Variants in PRC1 observed in about 807,000 individuals in gnomAD.
PRC1 encodes anaphase spindle elongation 1 homolog.
PRC1 carries 54 observed loss-of-function variants against 91.2 expected under a neutral mutation model. That is an observed-to-expected ratio of 0.59 (90% CI 0.48 to 0.74). The LOEUF is 0.74. Ranked by LOEUF, PRC1 falls within the 30% of genes least tolerant of loss-of-function variation. The pLI is 0.00. For missense variants in PRC1, 727 were observed against 746.2 expected (o/e 0.97, Z 0.30); for synonymous variants, 275 against 263.6 (o/e 1.04, Z -0.42).
chr15:90,982,305 C>CCT (rs1413014508), intron 3 of PRC1, among the ~76,000 whole-genome samples: 2 of 152,194 alleles, frequency 1.3e-5, no homozygotes, highest in African/African-American at 4.8e-5. Flanking sequence ...ATAACCATCA[C>CCT]CTCCAAAACT....
At chr15:90,977,943 G>A (rs1363911263) in intron 8 of PRC1, among the ~76,000 whole-genome samples, 3 of 152,126 alleles carry the variant, frequency 2.0e-5, no homozygotes, top group African/African-American at 7.2e-5. Flanking sequence ...AATAACTGAG[G>A]ACAAAGACAT....
At position 90,986,397 on chromosome 15, in the gene PRC1, G is replaced by A. The variant is rs1331279792; in HGVS notation, c.12-1572C>T. Among the ~76,000 whole-genome samples, 3 of 152,226 alleles carry A rather than the reference G, an allele frequency of 2.0e-5. No homozygotes were observed. The East Asian group carries it at 5.8e-4, about 29-fold the overall frequency. On this transcript the variant is annotated intron_variant, in intron 1 of 14. Coordinates refer to ENST00000394249, the MANE Select transcript of PRC1 (RefSeq NM_003981.4). ...TAATTCCAGGACTCTGGGAGGCCGA[G>A]GGGAGCAGATCACTTGAGGTCAGGA... is the stretch of plus-strand genomic sequence containing the variant.
chr15:90,990,643 G>A (rs1400079455), intron 1 of PRC1, among the ~76,000 whole-genome samples: 1 of 152,006 alleles, frequency 6.6e-6, no homozygotes, highest in Non-Finnish European at 1.5e-5. Context: ...TTGCAGTGAT[G>A]ATTGCACAAC....
intron 3 of PRC1, among the ~76,000 whole-genome samples, chr15:90,982,961 A>G (rs1045497991): frequency 6.6e-6 from 1 of 151,908 alleles, no homozygotes; most frequent in African/African-American, 2.4e-5. Flanking sequence ...GGACATATAC[A>G]TTTTTCTTAA....
chr15:90,969,699 T>C, intron 12 of PRC1, 76 bp from the exon 13 acceptor site: 1 of 1,311,396 alleles, frequency 7.6e-7, no homozygotes, highest in Non-Finnish European at 1.0e-6. Flanking sequence ...CCTGCACTGG[T>C]CAAAGGCTGA....
intron 14 of PRC1, chr15:90,968,167 C>T: frequency 1.0e-6 from 1 of 985,434 alleles, no homozygotes; most frequent in Non-Finnish European, 1.2e-6. Context: ...ATTTAAGCCT[C>T]AGATAAAATG....
At chr15:90,969,938 T>A (rs369349369) in intron 12 of PRC1, among the ~76,000 whole-genome samples, 1 of 152,048 alleles carries the variant, frequency 6.6e-6, no homozygotes, top group Non-Finnish European at 1.5e-5. Flanking sequence ...TTTTTTTAAA[T>A]ATGAATTCTT....
chr15:90,980,999 C>G lies in PRC1; in HGVS notation c.707G>C (p.Cys236Ser). 1 of 1,614,214 alleles carries G rather than the reference C, an allele frequency of 6.2e-7. No individual in the cohort carries two copies. Among genetic ancestry groups the G allele is most frequent in the Non-Finnish European group, 8.5e-7 (1 of 1,180,040 alleles). ...EMQKSQNEAV[C>S]EGLRTQIREL... Reference sequence around the variant, plus strand: ...TCGGATTTGAGTACGCAGCCCCTCACACACTGCTTCATTTTGTGATTTCTG... The same window carrying G: ...TCGGATTTGAGTACGCAGCCCCTCAGACACTGCTTCATTTTGTGATTTCTG... Residue 236 changes from cysteine to serine, a missense_variant, in exon 6 of 15, where the codon TGT becomes TCT. Transcript: ENST00000394249.
chr15:90,983,782 A>G, intron 3 of PRC1: 2 of 384,260 alleles, frequency 5.2e-6, no homozygotes, highest in Non-Finnish European at 9.0e-6. Context: ...AACTATGGTA[A>G]GCAGCAGCTT....
At chr15:90,976,219 G>A (rs1319324900) in intron 9 of PRC1, among the ~76,000 whole-genome samples, 1 of 152,116 alleles carries the variant, frequency 6.6e-6, no homozygotes, top group Non-Finnish European at 1.5e-5. Flanking sequence ...CTCCTGAGTA[G>A]CTGGGATTAC....
At chr15:90,968,587 C>G (rs2037752061) in intron 14 of PRC1, 1 of 991,348 alleles carries the variant, frequency 1.0e-6, no homozygotes, top group African/African-American at 1.7e-5. Context: ...GCTTCAGTAG[C>G]TCAATGTATG....
chr15:90,974,355 T>G lies in PRC1; in HGVS notation c.1351-109A>C, dbSNP rs969295448. ...AGGCCCGTGTCTCTACAGCCAGAGC[T>G]AAAGAGCTGCCGCGGGCTCCCCGTT... is the stretch of plus-strand genomic sequence containing the variant. On this transcript the variant is annotated intron_variant, in intron 10 of 14. Transcript: ENST00000394249. This position sits in a 1 kb window ranked among gnomAD's most constrained non-coding sequence, Gnocchi z 4.6. 1.8e-6 allele frequency: 2 copies of G among 1,126,980 alleles called. No individual in the cohort carries two copies. The highest frequency in any genetic ancestry group is 1.6e-5 in the African/African-American group (1 of 62,808). 69.8% of individuals were successfully genotyped at this position (1,126,980 alleles called of 1,614,324 possible). A position where few individuals can be genotyped will look rare whatever the true frequency, so the allele number is the denominator to read the frequency against.
chr15:90,967,258 C>G, intron 14 of PRC1, 56 bp from the exon 15 acceptor site: 1 of 1,456,340 alleles, frequency 6.9e-7, no homozygotes, highest in Non-Finnish European at 9.6e-7. Context: ...ACATGGCCCA[C>G]CCTTCTAAGT....
At chr15:90,970,313 G>C (rs950719222) in intron 12 of PRC1, 91 bp downstream of exon 12, 1 of 935,054 alleles carries the variant, frequency 1.1e-6, no homozygotes, top group Admixed American at 2.0e-5. Context: ...CAAATCCAGG[G>C]ATCTTAGAAT....
At chr15:90,976,973 A>G (rs2038760761) in intron 8 of PRC1, among the ~76,000 whole-genome samples, 1 of 152,174 alleles carries the variant, frequency 6.6e-6, no homozygotes, top group Non-Finnish European at 1.5e-5. Flanking sequence ...TCTACTAATA[A>G]TAAAAAAATT....
intron 8 of PRC1, among the ~76,000 whole-genome samples, chr15:90,977,002 C>G (rs997967562): frequency 6.6e-6 from 1 of 151,884 alleles, no homozygotes; most frequent in African/African-American, 2.4e-5. Context: ...TGACGGTGCG[C>G]ACGTGCAGTC....
Position 90,976,150 on chromosome 15 carries a change from G to A in PRC1, c.1203+526C>T, listed in dbSNP as rs182806755. Among the ~76,000 whole-genome samples, 632 of 152,118 alleles carry A rather than the reference G, an allele frequency of 4.2e-3. 6 individuals are homozygous for A. The highest frequency in any genetic ancestry group is 0.013 in the African/African-American group (550 of 41,468). ...GTTGCCCAGGCTGGAGTGCAGTGGC[G>A]CGGTCTTGGCTCACTGCAACCTCTG... is the stretch of plus-strand genomic sequence containing the variant. On this transcript the variant is annotated intron_variant, in intron 9 of 14. Transcript: ENST00000394249.
intron 11 of PRC1, among the ~76,000 whole-genome samples, chr15:90,971,584 C>A (rs7166743): frequency 0.5 from 74,577 of 149,804 alleles, 21,647 homozygotes; most frequent in East Asian, 0.99. Context: ...ACCCAGCCAA[C>A]ACTTTTTTTT....
intron 3 of PRC1, chr15:90,983,625 G>C (rs1337414313): frequency 6.5e-6 from 1 of 153,914 alleles, no homozygotes; most frequent in Non-Finnish European, 1.4e-5. Context: ...ACCCACAAAG[G>C]TTGGTGTTTT....
Sources: allele counts gnomAD v4.1 joint callset (sites outside exome capture counted in the v4.1 genomes callset), GRCh38; gene constraint gnomAD v4.1.1; non-coding constraint Gnocchi (gnomAD v3.1); transcripts MANE v1.5; gene names NCBI Gene and HGNC (gene_info 2026-07-23, HGNC 2026-07-21).